The following LINGO1 variants were observed in gnomAD, a reference collection of about 807,000 sequenced individuals.
LINGO1 encodes the protein leucine rich repeat and Ig domain containing 1, also known as leucine-rich repeat and immunoglobulin-like domain-containing nogo receptor-interacting protein 1.
In LINGO1, 11 loss-of-function variants were observed where a neutral mutation model predicts 37.3. The ratio of observed to expected loss-of-function variants is 0.29; its 90% CI spans 0.19 to 0.49. The LOEUF is 0.49. LINGO1 is among the 20% of genes least tolerant of loss of function. The pLI is 0.99. For synonymous variants in LINGO1, 387 were observed against 403.0 expected (o/e 0.96, Z 0.48); for missense variants, 585 against 878.2 (o/e 0.67, Z 4.22).
chr15:77,623,583 G>A (rs2142538967), intron 1 of LINGO1, among the ~76,000 whole-genome samples: 1 of 152,322 alleles, frequency 6.6e-6, no homozygotes, highest in Middle Eastern at 3.4e-3. Context: ...CCCAGGCTGA[G>A]CTCCTGCAGG....
chr15:77,774,601 T>C (rs1299964613), intron 1 of LINGO1, among the ~76,000 whole-genome samples: 1 of 152,040 alleles, frequency 6.6e-6, no homozygotes, highest in Non-Finnish European at 1.5e-5. Flanking sequence ...GCCCAGTGGC[T>C]CAGCCCACCC....
intron 3 of LINGO1, chr15:77,668,002 T>C (rs1342972601): frequency 1.3e-5 from 2 of 152,322 alleles, no homozygotes; most frequent in Non-Finnish European, 2.9e-5. Flanking sequence ...CCAGCCCTGG[T>C]TCACCAAGTG....
chr15:77,787,847 G>A (rs1296713433), upstream of LINGO1: 1 of 152,204 alleles, frequency 6.6e-6, no homozygotes, highest in Non-Finnish European at 1.5e-5. Context: ...ACTTCTCAAA[G>A]AGGAATTTTA....
intron 2 of LINGO1, among the ~76,000 whole-genome samples, chr15:77,722,889 C>A (rs1017938574): frequency 6.6e-6 from 1 of 152,170 alleles, no homozygotes; most frequent in Non-Finnish European, 1.5e-5. Context: ...CACGCAGTAA[C>A]CCGGGGAGGG....
upstream of LINGO1, among the ~76,000 whole-genome samples, chr15:77,697,021 G>A (rs1289629079): frequency 6.6e-6 from 1 of 152,258 alleles, no homozygotes; most frequent in Non-Finnish European, 1.5e-5. Flanking sequence ...GACTGGCTAA[G>A]GCACAAGGCA....
intron 2 of LINGO1, among the ~76,000 whole-genome samples, chr15:77,793,148 G>A (rs988662950): frequency 7.9e-5 from 12 of 152,184 alleles, no homozygotes; most frequent in Non-Finnish European, 4.4e-5. Flanking sequence ...AGTATTCAGA[G>A]TTGGTGCCTG....
intron 2 of LINGO1, among the ~76,000 whole-genome samples, chr15:77,703,542 G>A (rs938832783): frequency 1.3e-5 from 2 of 152,186 alleles, no homozygotes; most frequent in African/African-American, 4.8e-5. Flanking sequence ...TACAGCAGGA[G>A]GGGTGGCAAT....
chr15:77,794,586 ATATATT>A lies in LINGO1; in HGVS notation c.-343+1347_-343+1352del, dbSNP rs1361680591. On this transcript the variant is annotated intron_variant, in intron 2 of 5. Transcript: ENST00000562933. Reference sequence around the variant, plus strand: ...TACACACACACATATATATATATATATATATTTTTTTTTTTTTTTGAGACGGAGTCT... The same window carrying A: ...TACACACACACATATATATATATATATTTTTTTTTTTTTGAGACGGAGTCT... Among the ~76,000 whole-genome samples, 46 of 25,398 alleles carry A rather than the reference ATATATT, an allele frequency of 1.8e-3. 3 individuals carry two copies. Among genetic ancestry groups the A allele is most frequent in the East Asian group, 4.1e-3 (6 of 1,478 alleles). 16.7% of individuals were successfully genotyped at this position (25,398 alleles called of 152,430 possible).
At chr15:77,725,233 C>T (rs990346127) in intron 2 of LINGO1, among the ~76,000 whole-genome samples, 18 of 152,202 alleles carry the variant, frequency 1.2e-4, no homozygotes, top group African/African-American at 3.9e-4. Flanking sequence ...GTTTTCCCAT[C>T]GGTACTTATT....
intron 1 of LINGO1, among the ~76,000 whole-genome samples, chr15:77,782,046 A>G (rs2076723163): frequency 6.6e-6 from 1 of 152,238 alleles, no homozygotes; most frequent in African/African-American, 2.4e-5. Flanking sequence ...CAGTTTTTGG[A>G]GGAAAACGAG....
intron 1 of LINGO1, among the ~76,000 whole-genome samples, chr15:77,773,169 A>G (rs1322728789): frequency 1.3e-5 from 2 of 152,194 alleles, no homozygotes; most frequent in Non-Finnish European, 1.5e-5. Flanking sequence ...GCCCTATCCT[A>G]TAAGGCCTCA....
chr15:77,682,663 C>A (rs955659997), intron 2 of LINGO1, among the ~76,000 whole-genome samples: 1 of 152,110 alleles, frequency 6.6e-6, no homozygotes, highest in South Asian at 2.1e-4. Context: ...AACTCATATT[C>A]TCCCCAGTTC....
chr15:77,794,360 GTGTATATACATACGTA>G (rs2076845588), intron 2 of LINGO1, among the ~76,000 whole-genome samples: 4 of 75,786 alleles, frequency 5.3e-5, no homozygotes, highest in South Asian at 3.3e-4. Context: ...ACGTATATAT[GTGTATATACATACGTA>G]TATGTATATA....
chr15:77,759,040 G>A (rs961772414), intron 1 of LINGO1, among the ~76,000 whole-genome samples: 13 of 152,174 alleles, frequency 8.5e-5, no homozygotes, highest in Non-Finnish European at 2.9e-5. Context: ...CCCTCCCTGA[G>A]TAAGGAGTAA....
rs2271398 is a variant in LINGO1, at chr15:77,615,442, G to A, written c.465C>T (p.Ile155=). ...LTKLDISENK[I]VILLDYMFQD... ...GAAACATGTAGTCCAGTAGGATAACGATCTTGTTCTCGCTGATGTCCAGCT... is the reference window on the plus strand; with the variant it reads ...GAAACATGTAGTCCAGTAGGATAACAATCTTGTTCTCGCTGATGTCCAGCT... The change falls in exon 2 of 2, where the codon ATC becomes ATT. Residue 155 remains isoleucine, a synonymous_variant. Coordinates refer to ENST00000355300, the MANE Select transcript of LINGO1 (RefSeq NM_032808.7). 0.64 allele frequency: 1,036,863 copies of A among 1,613,138 alleles called. 335,424 individuals carry two copies. The highest frequency in any genetic ancestry group is 0.78 in the East Asian group (35,013 of 44,822).
At chr15:77,761,003 T>C (rs1014363880) in intron 1 of LINGO1, among the ~76,000 whole-genome samples, 1 of 140,096 alleles carries the variant, frequency 7.1e-6, no homozygotes, top group Non-Finnish European at 1.5e-5. Flanking sequence ...CTCAGCTCAC[T>C]GCAACCTTTG....
upstream of LINGO1, among the ~76,000 whole-genome samples, chr15:77,634,730 C>T (rs543358548): frequency 9.5e-4 from 144 of 152,238 alleles, no homozygotes; most frequent in African/African-American, 3.3e-3. Flanking sequence ...CTCAACTCCG[C>T]GCTGCCTGGA....
chr15:77,681,103 C>T (rs1249009521), intron 2 of LINGO1, among the ~76,000 whole-genome samples: 2 of 152,074 alleles, frequency 1.3e-5, no homozygotes, highest in Non-Finnish European at 2.9e-5. Context: ...TCCAGTGCAA[C>T]CAAAAACAAA....
intron 1 of LINGO1, among the ~76,000 whole-genome samples, chr15:77,623,860 T>C (rs1234737995): frequency 1.3e-5 from 2 of 149,836 alleles, no homozygotes; most frequent in African/African-American, 5.0e-5. Context: ...GGCCTGTGTG[T>C]GTGTGTGTGT....
Sources: allele counts gnomAD v4.1 joint callset (sites outside exome capture counted in the v4.1 genomes callset), GRCh38; gene constraint gnomAD v4.1.1; transcripts MANE v1.5; gene names NCBI Gene and HGNC (gene_info 2026-07-23, HGNC 2026-07-21).